The following CD200R1L variants were observed in gnomAD, a reference collection of about 807,000 sequenced individuals.
CD200R1L encodes the protein CD200 receptor 1 like.
CD200R1L carries 14 observed loss-of-function variants against 24.8 expected under a neutral mutation model. The observed-to-expected ratio is 0.56, with a 90% confidence interval of 0.37 to 0.88. The LOEUF is 0.88. CD200R1L is among the 40% of genes least tolerant of loss of function. CD200R1L has a pLI of 0.00. For missense variants in CD200R1L, 299 were observed against 297.8 expected (o/e 1.00, Z -0.03); for synonymous variants, 111 against 109.2 (o/e 1.02, Z -0.11).
chr3:112,833,825 A>G (rs986176500), intron 3 of CD200R1L, among the ~76,000 whole-genome samples: 3 of 152,218 alleles, frequency 2.0e-5, no homozygotes, highest in Admixed American at 1.3e-4. Context: ...GATATAAGCC[A>G]AAAGTGGACT....
rs1938699186 is a variant in CD200R1L, at chr3:112,827,669, G to A, written c.65C>T (p.Pro22Leu). Residue 22 changes from proline to leucine, a missense_variant, in exon 5 of 8, where the codon CCT becomes CTT. Transcript: ENST00000488794. The stretch of plus-strand genomic sequence containing the variant: ...CACAGCATTTATATCCATCAGTACA[G>A]GCTGTGAAATGTTACCTGGACACAC... ...TIFAEGNISQ[P>L]VLMDINAVLC... 1 of 1,612,976 alleles carries A rather than the reference G, an allele frequency of 6.2e-7. No homozygotes were observed. Among genetic ancestry groups the A allele is most frequent in the Non-Finnish European group, 8.5e-7 (1 of 1,179,528 alleles).
At chr3:112,835,018 C>T (rs560369915) in intron 3 of CD200R1L, among the ~76,000 whole-genome samples, 53 of 152,340 alleles carry the variant, frequency 3.5e-4, no homozygotes, top group African/African-American at 1.1e-3. Context: ...CAGCTCTTCT[C>T]TCCTTCTCTC....
chr3:112,846,209 C>G (rs1939199010), intron 1 of CD200R1L, among the ~76,000 whole-genome samples: 2 of 152,184 alleles, frequency 1.3e-5, no homozygotes, highest in Non-Finnish European at 2.9e-5. Context: ...GTCCTTTGTT[C>G]CTTCTCTGCT....
At chr3:112,831,559 C>G (rs970079843) in intron 3 of CD200R1L, among the ~76,000 whole-genome samples, 5 of 152,144 alleles carry the variant, frequency 3.3e-5, no homozygotes, top group African/African-American at 1.2e-4. Flanking sequence ...GTATAACTAG[C>G]TAAGGTAAAG....
At chr3:112,827,784 A>G (rs1938703487) in intron 4 of CD200R1L, 100 bp from the exon 5 acceptor site, 1 of 1,162,644 alleles carries the variant, frequency 8.6e-7, no homozygotes, top group African/African-American at 1.5e-5. Context: ...TTATTAGAAC[A>G]TAAATTTGCT....
chr3:112,830,239 T>TG (rs897348174), intron 3 of CD200R1L, among the ~76,000 whole-genome samples: 2 of 152,192 alleles, frequency 1.3e-5, no homozygotes, highest in African/African-American at 4.8e-5. Flanking sequence ...ACACTTGGTA[T>TG]GGTTAGGATT....
At chr3:112,819,970 G>C (rs1938494787) in intron 6 of CD200R1L, 75 bp from the exon 7 acceptor site, 1 of 1,356,776 alleles carries the variant, frequency 7.4e-7, no homozygotes. Flanking sequence ...TCATTTTAAA[G>C]AACATTTTAA....
rs1242505788 is a variant in CD200R1L, at chr3:112,823,562, A to C, written c.616+3431T>G. On this transcript the variant is annotated intron_variant, in intron 6 of 7. Coordinates refer to ENST00000488794, the MANE Select transcript of CD200R1L (RefSeq NM_001199215.3). ...TTGGTGTAGGGAAAAAAACTCACAC[A>C]CATTTGGTGTCAGAAGCATTGTGAA... Among the ~76,000 whole-genome samples, 7 of 152,010 alleles carry C rather than the reference A, an allele frequency of 4.6e-5. No homozygotes were observed. The East Asian group carries it at 1.4e-3, about 29-fold the overall frequency.
chr3:112,829,332 TG>T lies in CD200R1L; in HGVS notation c.35del (p.Thr12LysfsTer13). Reference sequence around the variant, plus strand: ...GGAGCATATTACCTTCTGCAAAAATTGTTGAATAGTTCTGTGTCATCTGCTT... The same window carrying T: ...GGAGCATATTACCTTCTGCAAAAATTTTGAATAGTTCTGTGTCATCTGCTT... Reference protein sequence around the residue: ...GGKQMTQNYSTIFAEGNISQP... With the variant: ...GGKQMTQNYSXIFAEGNISQP... On this transcript the variant is annotated frameshift_variant, in exon 4 of 8. Transcript: ENST00000488794. LOFTEE classifies it high-confidence loss of function. The T allele has an allele frequency of 6.2e-7, 1 of 1,613,976 alleles. No individual in the cohort carries two copies. The highest frequency in any genetic ancestry group is 8.5e-7 in the Non-Finnish European group (1 of 1,179,822).
At chr3:112,820,999 G>A (rs1938522498) in intron 6 of CD200R1L, among the ~76,000 whole-genome samples, 1 of 151,244 alleles carries the variant, frequency 6.6e-6, no homozygotes, top group Admixed American at 6.6e-5. Flanking sequence ...AGAGGTTGCA[G>A]TGAGCTGAGA....
chr3:112,833,170 C>T (rs1281609475), intron 3 of CD200R1L, among the ~76,000 whole-genome samples: 1 of 152,228 alleles, frequency 6.6e-6, no homozygotes, highest in African/African-American at 2.4e-5. Context: ...TTGGAGGCAG[C>T]CTGCTGCATA....
At chr3:112,833,442 T>C (rs1426612031) in intron 3 of CD200R1L, among the ~76,000 whole-genome samples, 1 of 152,142 alleles carries the variant, frequency 6.6e-6, no homozygotes, top group Admixed American at 6.5e-5. Context: ...CTAGTTGCCT[T>C]TTAAAAAATA....
At chr3:112,819,592 G>A (rs1424819301) in intron 7 of CD200R1L, among the ~76,000 whole-genome samples, 180 bp downstream of exon 7, 1 of 152,186 alleles carries the variant, frequency 6.6e-6, no homozygotes, top group Non-Finnish European at 1.5e-5. Flanking sequence ...AGTGCTGCAG[G>A]CACATCTGCC....
Position 112,815,780 on chromosome 3 carries a change from G to A in CD200R1L, c.*183C>T. On this transcript the variant is annotated 3_prime_UTR_variant, in exon 8 of 8. Transcript: ENST00000488794. ...TGAATAGGTGGTTGAGGGTTTATAG[G>A]GAAACTTCATGGTCATCAAGCCCAG... is the stretch of plus-strand genomic sequence containing the variant. 1.7e-6 allele frequency: 1 copy of A among 573,062 alleles called. No individual in the cohort carries two copies. Among genetic ancestry groups the A allele is most frequent in the Non-Finnish European group, 3.2e-6 (1 of 315,378 alleles). 35.5% of individuals were successfully genotyped at this position (573,062 alleles called of 1,614,324 possible).
intron 2 of CD200R1L, among the ~76,000 whole-genome samples, chr3:112,840,214 G>A (rs1939046205): frequency 6.6e-6 from 1 of 152,144 alleles, no homozygotes. Flanking sequence ...TTCTTGCACT[G>A]CTATCAAGAA....
intron 3 of CD200R1L, among the ~76,000 whole-genome samples, chr3:112,830,012 C>T (rs565454044): frequency 2.6e-5 from 4 of 152,292 alleles, no homozygotes; most frequent in South Asian, 2.1e-4. Flanking sequence ...AATCCCCCTG[C>T]GGGGTCCAGG....
rs1222873283 is a variant in CD200R1L, at chr3:112,827,076, G to T, written c.533C>A (p.Pro178His). 8 of 1,613,306 alleles carry T rather than the reference G, an allele frequency of 5.0e-6. No individual in the cohort carries two copies. The highest frequency in any genetic ancestry group is 1.3e-5 in the African/African-American group (1 of 75,008). The change falls in exon 6 of 8, where the codon CCC becomes CAC. Residue 178 changes from proline (P) to histidine (H), a missense_variant. Pro to His is a moderately conservative substitution (Grantham distance 77, BLOSUM62 -2). Coordinates refer to ENST00000488794, the MANE Select transcript of CD200R1L (RefSeq NM_001199215.3). ...NGTVTVKSTC[P>H]WEGHKSTVTC... ...CACAGTAGACTTGTGGCCCTCCCAG[G>T]GGCATGTACTCTTAACCGTCACTGT... is the stretch of plus-strand genomic sequence containing the variant.
chr3:112,846,425 A>G (rs1050767454), intron 1 of CD200R1L, among the ~76,000 whole-genome samples, 200 bp downstream of exon 1: 1 of 152,258 alleles, frequency 6.6e-6, no homozygotes, highest in Non-Finnish European at 1.5e-5. Flanking sequence ...TGGGGCTAAC[A>G]TAAAGCTTCT....
intron 6 of CD200R1L, among the ~76,000 whole-genome samples, chr3:112,823,848 G>A (rs1214255757): frequency 6.6e-6 from 1 of 152,144 alleles, no homozygotes; most frequent in Non-Finnish European, 1.5e-5. Context: ...AGGAATACAA[G>A]CACTTAACAC....
Sources: gnomAD v4.1 joint callset for allele counts (sites outside exome capture counted in the v4.1 genomes callset) on GRCh38, gnomAD v4.1.1 for gene constraint, MANE v1.5 for transcripts, NCBI Gene and HGNC (gene_info 2026-07-23, HGNC 2026-07-21) for gene names.